MYPOP: variants seen among roughly 807,000 people sequenced by gnomAD.
MYPOP encodes the protein Myb related transcription factor, partner of profilin.
A neutral mutation model predicts 25.7 loss-of-function variants in MYPOP; 21 were observed. The ratio of observed to expected loss-of-function variants is 0.82; its 90% CI spans 0.58 to 1.18. The LOEUF (loss-of-function observed/expected upper bound fraction) is 1.18, where lower values mean the gene tolerates loss of function less well. Ranked by LOEUF, MYPOP falls within the 50% of genes most tolerant of loss-of-function variation. The pLI is 0.00. For synonymous variants in MYPOP, 280 were observed against 247.9 expected (o/e 1.13, Z -1.22); for missense variants, 566 against 588.3 (o/e 0.96, Z 0.39).
At chr19:45,899,733 A>G (rs1164655828) in intron 2 of MYPOP, among the ~76,000 whole-genome samples, 2 of 151,970 alleles carry the variant, frequency 1.3e-5, no homozygotes, top group Non-Finnish European at 2.9e-5. Flanking sequence ...CCAGCTACTC[A>G]GGAGGCTGAG....
chr19:45,893,938 C>T (rs1320363356), intron 2 of MYPOP, among the ~76,000 whole-genome samples: 4 of 149,364 alleles, frequency 2.7e-5, no homozygotes, highest in South Asian at 2.1e-4. Context: ...TACAGGCGCC[C>T]GCCACCACGC....
rs1319469025 is a variant in MYPOP, at chr19:45,890,882, G to A, written c.941C>T (p.Pro314Leu). 7.0e-6 allele frequency: 10 copies of A among 1,425,602 alleles called. No individual in the cohort carries two copies. In the East Asian group the frequency reaches 1.0e-4, roughly 15 times the overall value. 88.3% of individuals were successfully genotyped at this position (1,425,602 alleles called of 1,614,324 possible). Residue 314 changes from proline to leucine, a missense_variant, in exon 3 of 3, where the codon CCA becomes CTA. Physicochemically the swap from Pro to Leu is moderately conservative, Grantham distance 98 (BLOSUM62 -3). Coordinates refer to ENST00000322217, the MANE Select transcript of MYPOP (RefSeq NM_001012643.4). ...AGGCCTGGGAGGTGGCGGTGGGGGT[G>A]GGGGTGGGGGCAGAGGTGGAGGCAG... Reference protein sequence around the residue: ...DSLPPPLPPPPPPPPPPRPVL... With the variant: ...DSLPPPLPPPLPPPPPPRPVL...
At chr19:45,896,893 G>C (rs545295224) in intron 2 of MYPOP, among the ~76,000 whole-genome samples, 2 of 152,040 alleles carry the variant, frequency 1.3e-5, no homozygotes, top group Non-Finnish European at 2.9e-5. Context: ...CCAAAGTGCT[G>C]GGATTACAGG....
At chr19:45,894,709 ATT>A (rs953037533) in intron 2 of MYPOP, among the ~76,000 whole-genome samples, 1 of 145,904 alleles carries the variant, frequency 6.9e-6, no homozygotes, top group African/African-American at 2.5e-5. Context: ...ATATATATAC[ATT>A]TTTTTCTTTT....
intron 2 of MYPOP, among the ~76,000 whole-genome samples, chr19:45,896,157 G>A (rs1371623905): frequency 1.3e-5 from 2 of 152,206 alleles, no homozygotes; most frequent in East Asian, 3.9e-4. Context: ...CGGGTGTGGT[G>A]GTGCACGCCT....
At chr19:45,894,546 T>C (rs1967174877) in intron 2 of MYPOP, among the ~76,000 whole-genome samples, 1 of 152,100 alleles carries the variant, frequency 6.6e-6, no homozygotes, top group Admixed American at 6.6e-5. Context: ...CCTGAGCTTC[T>C]GGGACCACAG....
At position 45,890,714 on chromosome 19, in the gene MYPOP, G is replaced by T. The variant is rs764832787; in HGVS notation, c.1109C>A (p.Pro370Gln). ...RSEEGAPRPP[P>Q]APLPPHDSPP... ...GGAGTCGTGCGGAGGGAGCGGGGCTGGGGGGGGCCGGGGTGCCCCCTCCTC... is the reference window on the plus strand; with the variant it reads ...GGAGTCGTGCGGAGGGAGCGGGGCTTGGGGGGGCCGGGGTGCCCCCTCCTC... Residue 370 changes from proline (P) to glutamine (Q), a missense_variant, in exon 3 of 3, where the codon CCA becomes CAA. Pro to Gln is a moderately conservative substitution (Grantham distance 76). Coordinates refer to ENST00000322217, the MANE Select transcript of MYPOP (RefSeq NM_001012643.4). 46 of 1,561,394 alleles carry T rather than the reference G, an allele frequency of 2.9e-5. No homozygotes were observed. The highest frequency in any genetic ancestry group is 1.1e-4 in the African/African-American group (8 of 73,128).
In MYPOP at chr19:45,890,370, T is replaced by C; in HGVS notation, c.*253A>G. ...CCACATAGGGCAATAATAAATAACATGAAATTGATGGCTTAGAAGTCAGGG... is the reference window on the plus strand; with the variant it reads ...CCACATAGGGCAATAATAAATAACACGAAATTGATGGCTTAGAAGTCAGGG... On this transcript the variant is annotated 3_prime_UTR_variant, in exon 3 of 3. Coordinates refer to ENST00000322217, the MANE Select transcript of MYPOP (RefSeq NM_001012643.4). The C allele has an allele frequency of 2.3e-6, 1 of 436,794 alleles. No individual in the cohort carries two copies. 27.1% of individuals were successfully genotyped at this position (436,794 alleles called of 1,614,324 possible). A position where few individuals can be genotyped will look rare whatever the true frequency, so the allele number is the denominator to read the frequency against.
In MYPOP at chr19:45,901,221, C is replaced by G. The variant is rs1967283711; in HGVS notation, c.499+54G>C. On this transcript the variant is annotated intron_variant, in intron 2 of 2. Coordinates refer to ENST00000322217, the MANE Select transcript of MYPOP (RefSeq NM_001012643.4). The surrounding 1 kb of genome is among the most constrained non-coding windows in gnomAD (Gnocchi z 5.7). ...GGGCTGCAGCAAGGCTTTGATGAGA[C>G]ATGTAAAAGGCTTGCAACAGCGCAG... 2 of 1,386,480 alleles carry G rather than the reference C, an allele frequency of 1.4e-6. No individual in the cohort carries two copies. Among genetic ancestry groups the G allele is most frequent in the East Asian group, 5.9e-5 (2 of 33,846 alleles). The allele number at this position is 1,386,480 out of a possible 1,614,324, so 85.9% of individuals were successfully genotyped here.
Position 45,892,054 on chromosome 19 carries a change from G to A in MYPOP, c.500-731C>T, listed in dbSNP as rs374909850. ...CCTGCCTCAGCCTCCTAAGTAGCTG[G>A]GATTACAGGCAGGCGCCACCCCGCC... On this transcript the variant is annotated intron_variant, in intron 2 of 2. Transcript: ENST00000322217. 5.3e-4 allele frequency among the ~76,000 whole-genome samples: 80 copies of A among 152,048 alleles called. 1 individual carries two copies. The East Asian group carries it at 9.3e-3, about 18-fold the overall frequency.
At position 45,901,276 on chromosome 19, in the gene MYPOP, T is replaced by C. The variant is rs1190776830; in HGVS notation, c.498A>G (p.Ala166=). The C allele has an allele frequency of 8.3e-6, 12 of 1,447,002 alleles. No homozygotes were observed. The highest frequency in any genetic ancestry group is 5.2e-5 in the East Asian group (2 of 38,220). 89.6% of individuals were successfully genotyped at this position (1,447,002 alleles called of 1,614,324 possible). Residue 166 remains alanine (A), a splice_region_variant and synonymous_variant, in exon 2 of 3, where the codon GCA becomes GCG. Transcript: ENST00000322217. This position sits in a 1 kb window ranked among gnomAD's most constrained non-coding sequence, Gnocchi z 5.7. ...LSEDRREDRR[A]DTSAHSKAGS... Reference sequence around the variant, plus strand: ...ACAGCCTACTCTGAAGACACTCACCTGCACGTCGGTCCTCCCGGCGGTCTT... The same window carrying C: ...ACAGCCTACTCTGAAGACACTCACCCGCACGTCGGTCCTCCCGGCGGTCTT...
Position 45,890,908 on chromosome 19 carries a change from G to A in MYPOP, c.915C>T (p.Ser305=). ...LPLLPGTPVD[S]LPPPLPPPPP... is the part of the protein sequence containing the mutation. ...GGGGTGGGGGCAGAGGTGGAGGCAG[G>A]GAGTCAACTGGGGTTCCTGGCAGAA... is the stretch of plus-strand genomic sequence containing the variant. Residue 305 remains serine, a synonymous_variant, in exon 3 of 3, where the codon TCC becomes TCT. Coordinates refer to ENST00000322217, the MANE Select transcript of MYPOP (RefSeq NM_001012643.4). The A allele has an allele frequency of 7.0e-7, 1 of 1,437,364 alleles. No homozygotes were observed. The highest frequency in any genetic ancestry group is 9.1e-7 in the Non-Finnish European group (1 of 1,097,514). The allele number at this position is 1,437,364 out of a possible 1,614,324, so 89.0% of individuals were successfully genotyped here. A position where few individuals can be genotyped will look rare whatever the true frequency, so the allele number is the denominator to read the frequency against.
At chr19:45,900,663 A>G (rs768609390) in intron 2 of MYPOP, among the ~76,000 whole-genome samples, 2 of 152,134 alleles carry the variant, frequency 1.3e-5, no homozygotes, top group Non-Finnish European at 2.9e-5. Flanking sequence ...CTAAGCAGGA[A>G]GTTTCTGTAG....
intron 1 of MYPOP, among the ~76,000 whole-genome samples, chr19:45,902,171 A>C (rs2146384106): frequency 9.5e-6 from 1 of 105,316 alleles, no homozygotes; most frequent in East Asian, 3.2e-4. Flanking sequence ...TGGAGGGAGG[A>C]TGGGGGTGCC....
chr19:45,890,781 C>A lies in MYPOP; in HGVS notation c.1042G>T (p.Ala348Ser). 6.6e-7 allele frequency: 1 copy of A among 1,515,916 alleles called. No homozygotes were observed. Among genetic ancestry groups the A allele is most frequent in the Non-Finnish European group, 8.9e-7 (1 of 1,129,730 alleles). The allele number at this position is 1,515,916 out of a possible 1,614,324, so 93.9% of individuals were successfully genotyped here. A position where few individuals can be genotyped will look rare whatever the true frequency, so the allele number is the denominator to read the frequency against. The change falls in exon 3 of 3, where the codon GCA (alanine) becomes TCA (serine). Residue 348 changes from alanine to serine, a missense_variant. By Grantham distance (99) the Ala-to-Ser change is moderately conservative. Coordinates refer to ENST00000322217, the MANE Select transcript of MYPOP (RefSeq NM_001012643.4). ...ATCACTCCCCTGGCTGCCACCACTG[C>A]CCCGTCCACCACAGCAGCCACCACG... ...VSVVAAVVDG[A>S]VVAARGVIIA...
At chr19:45,897,272 A>T (rs569871596) in intron 2 of MYPOP, among the ~76,000 whole-genome samples, 1 of 151,308 alleles carries the variant, frequency 6.6e-6, no homozygotes, top group South Asian at 2.1e-4. Context: ...CACATTGGCC[A>T]GGCTGGTCTC....
At chr19:45,902,201 A>AT (rs1376937960) in intron 1 of MYPOP, among the ~76,000 whole-genome samples, 1 of 114,954 alleles carries the variant, frequency 8.7e-6, no homozygotes, top group Non-Finnish European at 1.7e-5. Flanking sequence ...TCTTAGATGC[A>AT]TGAAGATAAG....
intron 2 of MYPOP, 130 bp from the exon 3 acceptor site, chr19:45,891,453 C>T (rs1967125680): frequency 8.7e-7 from 1 of 1,144,768 alleles, no homozygotes; most frequent in East Asian, 2.9e-5. Flanking sequence ...CGCCCCCCAG[C>T]CCCAAGACAG....
intron 2 of MYPOP, 27 bp from the exon 3 acceptor site, chr19:45,891,350 G>A (rs2146374537): frequency 6.9e-7 from 1 of 1,448,604 alleles, no homozygotes; most frequent in Non-Finnish European, 9.1e-7. Flanking sequence ...ACAGGTAAGG[G>A]GTGAGCGACC....
Sources: gnomAD v4.1 joint callset for allele counts (sites outside exome capture counted in the v4.1 genomes callset) on GRCh38, gnomAD v4.1.1 for gene constraint, Gnocchi (gnomAD v3.1) non-coding constraint, MANE v1.5 for transcripts, NCBI Gene and HGNC (gene_info 2026-07-23, HGNC 2026-07-21) for gene names.